Variants in CNKSR2 observed in about 807,000 individuals in gnomAD.
CNKSR2 encodes the protein connector enhancer of kinase suppressor of Ras 2.
Under a neutral mutation model 84.4 loss-of-function variants are expected in CNKSR2, and 14 were observed. The observed-to-expected ratio is 0.17, with a 90% CI of 0.11 to 0.26. The LOEUF (loss-of-function observed/expected upper bound fraction) is 0.26, where lower values mean the gene tolerates loss of function less well. Ranked by LOEUF, CNKSR2 falls within the 10% of genes least tolerant of loss-of-function variation. The pLI, the probability that CNKSR2 is intolerant of heterozygous loss-of-function variation, is 1.00. For missense variants in CNKSR2, 485 were observed against 771.2 expected, an observed-to-expected ratio of 0.63 and a Z score of 4.40; for synonymous variants, 275 against 277.9, an observed-to-expected ratio of 0.99 and a Z score of 0.10.
rs759851710 is a variant in CNKSR2 at position 21,635,410 on chromosome X, A to G, written c.2693-13421A>G. Among the ~76,000 whole-genome samples, 178 of 102,827 alleles carry G rather than the reference A, an allele frequency of 1.7e-3. 3 individuals carry two copies. The East Asian group carries it at 0.029, about 17-fold the overall frequency. 89.3% of individuals were successfully genotyped at this position (102,827 alleles called of 115,157 possible). On this transcript the variant is annotated intron_variant, in intron 20 of 21. Transcript: ENST00000379510. ...TGTGTGTGTGTGTGTGTGTGTGTGTATATATACACATATATATGTATATGT... is the reference window on the plus strand; with the variant it reads ...TGTGTGTGTGTGTGTGTGTGTGTGTGTATATACACATATATATGTATATGT...
At chrX:21,627,086 C>T (rs764799262) in intron 20 of CNKSR2, among the ~76,000 whole-genome samples, 1 of 112,051 alleles carries the variant, frequency 8.9e-6, no homozygotes, top group East Asian at 2.8e-4. Flanking sequence ...ACAGAGGGCA[C>T]TTATTACAAA....
At chrX:21,501,620 G>A (rs769468335) in intron 8 of CNKSR2, 32 bp downstream of exon 8, 2 of 823,937 alleles carry the variant, frequency 2.4e-6, no homozygotes, top group Non-Finnish European at 3.5e-6. Flanking sequence ...GTCAGTGGGA[G>A]GAACTAATTT....
At chrX:21,594,822 A>G (rs1465983397) in intron 15 of CNKSR2, 152 bp from the exon 16 acceptor site, 2 of 390,742 alleles carry the variant, frequency 5.1e-6, no homozygotes, top group Non-Finnish European at 9.1e-6. Flanking sequence ...GGAGTACAGC[A>G]GGTAAGCATT....
At chrX:21,480,163 G>A (rs979374117) in intron 5 of CNKSR2, among the ~76,000 whole-genome samples, 2 of 111,360 alleles carry the variant, frequency 1.8e-5, no homozygotes, top group African/African-American at 6.5e-5. Flanking sequence ...AAGCACTGAA[G>A]GATGAATTGA....
At position 21,653,216 on chromosome X, in the gene CNKSR2, A is replaced by C. The variant is rs2092724908; in HGVS notation, c.*695A>C. ...AGATGTTTTTGTAACTAAGACCAAA[A>C]TTGAAGATAGAGCTGCTTTATTTTC... is the stretch of plus-strand genomic sequence containing the variant. On this transcript the variant is annotated 3_prime_UTR_variant, in exon 22 of 22. Coordinates refer to ENST00000379510, the MANE Select transcript of CNKSR2 (RefSeq NM_014927.5). 1.8e-5 allele frequency: 2 copies of C among 111,817 alleles called. No individual in the cohort carries two copies. The highest frequency in any genetic ancestry group is 7.4e-4 in the South Asian group (2 of 2,698). The allele number at this position is 111,817 out of a possible 1,213,427, so 9.2% of individuals were successfully genotyped here.
intron 1 of CNKSR2, among the ~76,000 whole-genome samples, chrX:21,382,896 C>T (rs1362591254): frequency 3.6e-5 from 4 of 111,823 alleles, no homozygotes; most frequent in African/African-American, 1.3e-4. Flanking sequence ...TAAGAACATA[C>T]GTACAGAATT....
intron 13 of CNKSR2, among the ~76,000 whole-genome samples, chrX:21,585,629 G>A (rs1482091770): frequency 3.6e-5 from 4 of 110,889 alleles, no homozygotes; most frequent in Non-Finnish European, 7.5e-5. Flanking sequence ...TGGCTGATGA[G>A]TGATAGATAT....
intron 13 of CNKSR2, among the ~76,000 whole-genome samples, chrX:21,584,489 ATACTT>A (rs1286696720): frequency 8.9e-6 from 1 of 112,504 alleles, no homozygotes; most frequent in African/African-American, 3.2e-5. Flanking sequence ...AGAAATATAA[ATACTT>A]AAGATAATGC....
At chrX:21,484,030 G>A (rs1041786486) in intron 5 of CNKSR2, among the ~76,000 whole-genome samples, 1 of 112,215 alleles carries the variant, frequency 8.9e-6, no homozygotes, top group African/African-American at 3.2e-5. Context: ...AGTGGCCCAT[G>A]CCTGTAATCC....
intron 20 of CNKSR2, among the ~76,000 whole-genome samples, chrX:21,633,971 T>C (rs2092658797): frequency 8.9e-6 from 1 of 112,423 alleles, no homozygotes; most frequent in Non-Finnish European, 1.9e-5. Context: ...TGAAAACTCA[T>C]TACTTGATTT....
At chrX:21,426,990 T>A in intron 2 of CNKSR2, 1 of 227,898 alleles carries the variant, frequency 4.4e-6, no homozygotes, top group Non-Finnish European at 7.7e-6. Context: ...AAGGAAAGAA[T>A]ATTGATTGAC....
chrX:21,415,385 T>G (rs1242518046), intron 1 of CNKSR2, among the ~76,000 whole-genome samples: 1 of 110,549 alleles, frequency 9.0e-6, no homozygotes, highest in Non-Finnish European at 1.9e-5. Context: ...GCTACTGATT[T>G]TTGTGTGTTA....
intron 13 of CNKSR2, among the ~76,000 whole-genome samples, chrX:21,587,999 C>T (rs1270061236): frequency 9.0e-6 from 1 of 111,670 alleles, no homozygotes; most frequent in Non-Finnish European, 1.9e-5. Context: ...GCTTCCTGTG[C>T]TCTCTCCCTC....
At chrX:21,576,594 G>A (rs1482822466) in intron 13 of CNKSR2, among the ~76,000 whole-genome samples, 2 of 111,089 alleles carry the variant, frequency 1.8e-5, no homozygotes, top group Admixed American at 9.5e-5. Flanking sequence ...AAAAATTGAC[G>A]AACATCTAGC....
intron 9 of CNKSR2, among the ~76,000 whole-genome samples, chrX:21,521,599 A>G: frequency 1.8e-5 from 2 of 111,000 alleles, no homozygotes; most frequent in South Asian, 7.5e-4. Flanking sequence ...GATTAAAGAC[A>G]CTAGTGTTAG....
chrX:21,588,590 T>A (rs1313562836), intron 13 of CNKSR2, among the ~76,000 whole-genome samples: 1 of 111,873 alleles, frequency 8.9e-6, no homozygotes, highest in East Asian at 2.8e-4. Flanking sequence ...AGGTTTCCAG[T>A]GCACTGATTA....
At chrX:21,470,585 A>G in intron 4 of CNKSR2, 181 bp from the exon 5 acceptor site, 2 of 245,169 alleles carry the variant, frequency 8.2e-6, no homozygotes, top group Non-Finnish European at 1.5e-5. Flanking sequence ...AGCCTCTGTT[A>G]CTGACCATCA....
chrX:21,541,170 A>G (rs1422184718), intron 11 of CNKSR2, among the ~76,000 whole-genome samples: 1 of 110,165 alleles, frequency 9.1e-6, no homozygotes, highest in African/African-American at 3.3e-5. Context: ...TTTAGTAGAG[A>G]CGTGGTTTCA....
intron 5 of CNKSR2, among the ~76,000 whole-genome samples, chrX:21,481,792 G>C (rs1390495423): frequency 1.8e-5 from 2 of 111,986 alleles, no homozygotes; most frequent in Non-Finnish European, 3.8e-5. Context: ...GTGAGGACCT[G>C]AGGACAGCCT....
Sources: allele counts gnomAD v4.1 joint callset (sites outside exome capture counted in the v4.1 genomes callset), GRCh38; gene constraint gnomAD v4.1.1; transcripts MANE v1.5; gene names NCBI Gene and HGNC (gene_info 2026-07-23, HGNC 2026-07-21).